ESRRG: variants seen among roughly 807,000 people sequenced by gnomAD.
ESRRG encodes estrogen related receptor gamma.
Under a neutral mutation model 44.0 loss-of-function variants are expected in ESRRG, and 13 were observed. The observed-to-expected ratio is 0.30, with a 90% CI of 0.19 to 0.47. ESRRG has a LOEUF of 0.47. Among genes scored for constraint, ESRRG ranks in the 20% least tolerant of loss-of-function variants. ESRRG has a pLI of 1.00. For synonymous variants in ESRRG, 215 were observed against 214.6 expected, an observed-to-expected ratio of 1.00 and a Z score of -0.02; for missense variants, 395 against 580.6, an observed-to-expected ratio of 0.68 and a Z score of 3.29.
intron 2 of ESRRG, among the ~76,000 whole-genome samples, chr1:216,764,175 A>T (rs1018861731): frequency 1.0e-5 from 1 of 97,706 alleles, no homozygotes; most frequent in Non-Finnish European, 2.0e-5. Flanking sequence ...TACCTAATTG[A>T]TTCTTTTTTT....
intron 2 of ESRRG, among the ~76,000 whole-genome samples, chr1:216,931,572 G>A (rs1479408715): frequency 6.6e-6 from 1 of 151,964 alleles, no homozygotes; most frequent in Non-Finnish European, 1.5e-5. Flanking sequence ...AGGAGGACCA[G>A]CTGCACCCCG....
intron 1 of ESRRG, among the ~76,000 whole-genome samples, chr1:216,997,480 A>T (rs2076510801): frequency 6.6e-6 from 1 of 152,210 alleles, no homozygotes; most frequent in African/African-American, 2.4e-5. Context: ...GAGGCCTTTA[A>T]GGTACATATT....
intron 3 of ESRRG, among the ~76,000 whole-genome samples, chr1:216,573,317 G>A (rs929134576): frequency 6.6e-6 from 1 of 151,878 alleles, no homozygotes; most frequent in African/African-American, 2.4e-5. Flanking sequence ...TCAATTCTTT[G>A]TCTGGCTCTT....
At chr1:217,065,039 C>T (rs1286629020) in intron 1 of ESRRG, among the ~76,000 whole-genome samples, 1 of 152,120 alleles carries the variant, frequency 6.6e-6, no homozygotes, top group African/African-American at 2.4e-5. Context: ...GGCTTGGGGA[C>T]TCTATAGCTC....
chr1:217,113,833 T>A (rs751502061), intron 1 of ESRRG, among the ~76,000 whole-genome samples: 110 of 151,900 alleles, frequency 7.2e-4, no homozygotes, highest in Non-Finnish European at 2.9e-4. Flanking sequence ...CTACAAAAAA[T>A]TTAAAAATAA....
At chr1:217,072,192 C>T (rs141583275) in intron 1 of ESRRG, among the ~76,000 whole-genome samples, 17 of 152,272 alleles carry the variant, frequency 1.1e-4, no homozygotes, top group Admixed American at 6.5e-4. Context: ...GCATGTCACC[C>T]GTCAGCATCA....
At chr1:216,832,212 C>T (rs569689142) in intron 2 of ESRRG, among the ~76,000 whole-genome samples, 2 of 152,240 alleles carry the variant, frequency 1.3e-5, no homozygotes, top group East Asian at 1.9e-4. Context: ...CTTTTAAGGC[C>T]ACCTTCATCT....
At chr1:217,064,567 A>G (rs972412897) in intron 1 of ESRRG, among the ~76,000 whole-genome samples, 1 of 152,134 alleles carries the variant, frequency 6.6e-6, no homozygotes, top group African/African-American at 2.4e-5. Flanking sequence ...GTTTTAATTC[A>G]CCTGCTTTTC....
intron 3 of ESRRG, among the ~76,000 whole-genome samples, chr1:216,648,909 A>G (rs899518448): frequency 1.3e-5 from 2 of 152,188 alleles, no homozygotes; most frequent in African/African-American, 4.8e-5. Flanking sequence ...TCTCTACAAC[A>G]AAACTAAGTG....
chr1:216,697,737 T>G (rs2080469891), intron 1 of ESRRG, among the ~76,000 whole-genome samples: 1 of 152,318 alleles, frequency 6.6e-6, no homozygotes, highest in East Asian at 1.9e-4. Flanking sequence ...TGGATAACAA[T>G]TAATTTAACA....
chr1:217,024,864 A>G (rs2080938617), intron 1 of ESRRG, among the ~76,000 whole-genome samples: 2 of 152,222 alleles, frequency 1.3e-5, no homozygotes, highest in Non-Finnish European at 2.9e-5. Context: ...TGAGGTATAG[A>G]GAGATTAGGT....
At chr1:217,095,178 C>T (rs1403677553) in intron 1 of ESRRG, among the ~76,000 whole-genome samples, 1 of 152,156 alleles carries the variant, frequency 6.6e-6, no homozygotes, top group Non-Finnish European at 1.5e-5. Context: ...AAGAATAACA[C>T]ATTCATTTAA....
rs78597047 is a variant in ESRRG at position 216,520,609 on chromosome 1, A to C, written c.863-1188T>G. ...CAGAAGCTTTTCTCAAGTCCTAAAAAAGAAATGTTTCTTAAAACTTCACTT... is the reference window on the plus strand; with the variant it reads ...CAGAAGCTTTTCTCAAGTCCTAAAACAGAAATGTTTCTTAAAACTTCACTT... On this transcript the variant is annotated intron_variant, in intron 5 of 6. Coordinates refer to ENST00000408911, the MANE Select transcript of ESRRG (RefSeq NM_001438.4). Among the ~76,000 whole-genome samples, 1,028 of 152,244 alleles carry C rather than the reference A, an allele frequency of 6.8e-3. 20 individuals carry two copies. Among genetic ancestry groups the C allele is most frequent in the African/African-American group, 0.023 (942 of 41,546 alleles).
At chr1:216,920,074 T>A (rs11572508) in intron 2 of ESRRG, among the ~76,000 whole-genome samples, 16 of 152,182 alleles carry the variant, frequency 1.1e-4, no homozygotes, top group Non-Finnish European at 2.1e-4. Context: ...GTATAATATA[T>A]CATTCATTCA....
At chr1:217,095,433 T>C (rs967227321) in intron 1 of ESRRG, among the ~76,000 whole-genome samples, 1 of 152,186 alleles carries the variant, frequency 6.6e-6, no homozygotes, top group Non-Finnish European at 1.5e-5. Flanking sequence ...GGTGGATTAG[T>C]GTAGAAAAAT....
rs564396344 is a variant in ESRRG at position 216,752,567 on chromosome 1, G to T, written c.-13-75076C>A. ...AGCAGTTCAGAACACACTGCTAGAG[G>T]TCCTATTCTCTTCAGAAAGAACTTC... On this transcript the variant is annotated intron_variant, in intron 2 of 7. Coordinates refer to the ESRRG transcript ENST00000359162. 3.3e-5 allele frequency among the ~76,000 whole-genome samples: 5 copies of T among 152,198 alleles called. No individual in the cohort carries two copies. The East Asian group carries it at 9.6e-4, about 29-fold the overall frequency.
At chr1:217,020,909 C>T (rs1329657656) in intron 1 of ESRRG, among the ~76,000 whole-genome samples, 1 of 151,936 alleles carries the variant, frequency 6.6e-6, no homozygotes, top group Non-Finnish European at 1.5e-5. Flanking sequence ...TTTAAAGATA[C>T]TTTGAGAAGA....
chr1:216,675,198 T>G (rs1027862923), intron 2 of ESRRG, among the ~76,000 whole-genome samples: 1 of 151,854 alleles, frequency 6.6e-6, no homozygotes, highest in South Asian at 2.1e-4. Context: ...TTGTCTCTAC[T>G]AAAAATACAA....
chr1:216,644,555 A>G (rs1423937798), intron 3 of ESRRG, among the ~76,000 whole-genome samples: 1 of 151,354 alleles, frequency 6.6e-6, no homozygotes. Context: ...CAGCCTCTGG[A>G]GTAGCTGAGA....
Sources: gnomAD v4.1 joint callset for allele counts (sites outside exome capture counted in the v4.1 genomes callset) on GRCh38, gnomAD v4.1.1 for gene constraint, MANE v1.5 for transcripts, NCBI Gene and HGNC (gene_info 2026-07-23, HGNC 2026-07-21) for gene names.